The following FBRSL1 variants were observed in gnomAD, a reference collection of about 807,000 sequenced individuals.
The protein encoded by FBRSL1 is fibrosin like 1, also known as fibrosin-1-like protein.
Under a neutral mutation model 89.6 loss-of-function variants are expected in FBRSL1, and 51 were observed. That is an observed-to-expected ratio of 0.57 (90% CI 0.45 to 0.72). The LOEUF (loss-of-function observed/expected upper bound fraction) is 0.72. Ranked by LOEUF, FBRSL1 falls within the 30% of genes least tolerant of loss-of-function variation. FBRSL1 has a pLI of 0.00. For synonymous variants in FBRSL1, 779 were observed against 681.1 expected, an observed-to-expected ratio of 1.14 and a Z score of -2.24; for missense variants, 1,618 against 1,451.8, an observed-to-expected ratio of 1.11 and a Z score of -1.86.
intron 1 of FBRSL1, among the ~76,000 whole-genome samples, chr12:132,505,613 G>A (rs572128627): frequency 2.3e-4 from 35 of 152,230 alleles, no homozygotes; most frequent in Admixed American, 5.9e-4. Context: ...TACGTGGAGT[G>A]ACTGAGCGAC....
chr12:132,532,439 G>T (rs2036369489), intron 4 of FBRSL1, among the ~76,000 whole-genome samples: 1 of 152,136 alleles, frequency 6.6e-6, no homozygotes, highest in Non-Finnish European at 1.5e-5. Flanking sequence ...CATCTGCCTG[G>T]CTATGCCCAC....
At chr12:132,521,957 T>C (rs976781432) in intron 2 of FBRSL1, among the ~76,000 whole-genome samples, 2 of 152,030 alleles carry the variant, frequency 1.3e-5, no homozygotes, top group Non-Finnish European at 2.9e-5. Context: ...TGAGTCCGTG[T>C]GCATGGGGTG....
chr12:132,551,403 C>G (rs1397274347), intron 5 of FBRSL1: 1 of 456,066 alleles, frequency 2.2e-6, no homozygotes, highest in African/African-American at 2.0e-5. Context: ...GCTGACCCAG[C>G]AGCCGTGCAG....
intron 17 of FBRSL1, 118 bp from the exon 18 acceptor site, chr12:132,581,944 G>C: frequency 7.8e-7 from 1 of 1,288,844 alleles, no homozygotes; most frequent in Non-Finnish European, 1.1e-6. Context: ...GGGCCTCCTT[G>C]GGGCACCCCC....
intron 5 of FBRSL1, chr12:132,551,069 C>T: frequency 3.2e-6 from 1 of 312,118 alleles, no homozygotes; most frequent in Non-Finnish European, 6.4e-6. Context: ...CTGGGCACTG[C>T]TGTGCGAGGC....
chr12:132,532,391 AT>A (rs1197343219), intron 4 of FBRSL1, among the ~76,000 whole-genome samples: 1 of 152,028 alleles, frequency 6.6e-6, no homozygotes. Context: ...ATTCTCCTCC[AT>A]GCGGCTGCCC....
intron 9 of FBRSL1, 55 bp from the exon 10 acceptor site, chr12:132,572,233 G>A (rs1566231462): frequency 4.0e-6 from 6 of 1,515,728 alleles, no homozygotes; most frequent in South Asian, 3.6e-5. Context: ...GGGGCCCGGG[G>A]CCCAGCAACG....
In FBRSL1 at chr12:132,507,822, G is replaced by A. The variant is rs528345733; in HGVS notation, c.292-331G>A. Among the ~76,000 whole-genome samples the A allele has an allele frequency of 6.6e-5, 10 of 152,236 alleles. No homozygotes were observed. The South Asian group carries it at 2.1e-3, about 32-fold the overall frequency. On this transcript the variant is annotated intron_variant, in intron 1 of 18. Transcript: ENST00000680143. Reference sequence around the variant, plus strand: ...CACTCGCTCTTGAAAGGTAGCCCTGGTCTCAGCAGGGAGGGGCAGTCCTGG... The same window carrying A: ...CACTCGCTCTTGAAAGGTAGCCCTGATCTCAGCAGGGAGGGGCAGTCCTGG...
chr12:132,572,649 G>A lies in FBRSL1; in HGVS notation c.1530+27G>A, dbSNP rs750804583. 4.2e-5 allele frequency: 62 copies of A among 1,491,220 alleles called. No individual in the cohort carries two copies. The African/African-American group carries it at 5.6e-4, about 13-fold the overall frequency. The allele number at this position is 1,491,220 out of a possible 1,614,324, so 92.4% of individuals were successfully genotyped here. ...TACCGCTGCCCCTGGCAGGTGGGGC[G>A]GGCACAGCGGGTGGGTGGATTTTGG... On this transcript the variant is annotated intron_variant, in intron 11 of 18. Coordinates refer to ENST00000680143, the MANE Select transcript of FBRSL1 (RefSeq NM_001367871.1).
intron 2 of FBRSL1, chr12:132,510,076 C>T (rs1227598358): frequency 1.5e-5 from 18 of 1,231,136 alleles, no homozygotes; most frequent in East Asian, 6.3e-5. Context: ...CCGGGACGGC[C>T]GAGGCAGCAG....
At chr12:132,561,406 A>G (rs1306573220) in intron 5 of FBRSL1, among the ~76,000 whole-genome samples, 1 of 151,780 alleles carries the variant, frequency 6.6e-6, no homozygotes, top group African/African-American at 2.4e-5. Context: ...AGCGGAACCC[A>G]CTAGAGTGTT....
intron 4 of FBRSL1, among the ~76,000 whole-genome samples, chr12:132,541,694 G>A (rs945017399): frequency 8.5e-5 from 13 of 152,256 alleles, no homozygotes; most frequent in Non-Finnish European, 1.6e-4. Flanking sequence ...TCTCAGCCCT[G>A]GGGGCTGCCG....
In FBRSL1 at chr12:132,583,977, A is replaced by G. The variant is rs1004051174; in HGVS notation, c.*199A>G. Reference sequence around the variant, plus strand: ...CCGAGTTTGGGATTCGGCTGTTGGGAAAAAAAAATCGCGTTTGTACCTTTT... The same window carrying G: ...CCGAGTTTGGGATTCGGCTGTTGGGGAAAAAAAATCGCGTTTGTACCTTTT... On this transcript the variant is annotated 3_prime_UTR_variant, in exon 19 of 19. Coordinates refer to ENST00000680143, the MANE Select transcript of FBRSL1 (RefSeq NM_001367871.1). The G allele has an allele frequency of 4.3e-4, 116 of 266,940 alleles. No homozygotes were observed. Among genetic ancestry groups the G allele is most frequent in the African/African-American group, 1.3e-3 (59 of 44,406 alleles). 16.5% of individuals were successfully genotyped at this position (266,940 alleles called of 1,614,324 possible). A position where few individuals can be genotyped will look rare whatever the true frequency, so the allele number is the denominator to read the frequency against.
At chr12:132,526,051 C>T (rs1481948315) in intron 3 of FBRSL1, among the ~76,000 whole-genome samples, 2 of 152,374 alleles carry the variant, frequency 1.3e-5, no homozygotes, top group East Asian at 3.9e-4. Flanking sequence ...TAGCAATGAG[C>T]ATTTTGCCTT....
chr12:132,547,266 G>T (rs574456377), intron 4 of FBRSL1, among the ~76,000 whole-genome samples: 23 of 149,786 alleles, frequency 1.5e-4, no homozygotes, highest in Non-Finnish European at 3.1e-4. Context: ...CGGACAGTCA[G>T]TGTGTTCTTC....
At position 132,499,806 on chromosome 12, in the gene FBRSL1, G is replaced by A. The variant is rs1457806673; in HGVS notation, c.292-8347G>A. ...GGGCAAATGGGGTACTTGGTTCCAC[G>A]TACCTGTGGAGGACGGCAGGCGTCC... On this transcript the variant is annotated intron_variant, in intron 1 of 18. Coordinates refer to ENST00000680143, the MANE Select transcript of FBRSL1 (RefSeq NM_001367871.1). The surrounding 1 kb of genome is among the most constrained non-coding windows in gnomAD (Gnocchi z 4.3). Among the ~76,000 whole-genome samples, 2 of 152,120 alleles carry A rather than the reference G, an allele frequency of 1.3e-5. No homozygotes were observed. Among genetic ancestry groups the A allele is most frequent in the African/African-American group, 4.8e-5 (2 of 41,414 alleles).
chr12:132,522,825 C>T (rs992387991), intron 2 of FBRSL1, among the ~76,000 whole-genome samples: 1 of 152,214 alleles, frequency 6.6e-6, no homozygotes, highest in African/African-American at 2.4e-5. Flanking sequence ...GAGCTGTGTC[C>T]GGGGCCCTCC....
chr12:132,578,343 T>TCACACACACACACACACACACACACA (rs3221291), intron 15 of FBRSL1, among the ~76,000 whole-genome samples: 10,467 of 140,734 alleles, frequency 0.074, 525 homozygotes, highest in South Asian at 0.13. Flanking sequence ...AGACCCTGTC[T>TCACACACACACACACACACACACACA]CACACACACA....
In FBRSL1 at chr12:132,583,845, A is replaced by G; in HGVS notation, c.*67A>G. ...GTCCGTCTCTCCATCAGTTCCTAGA[A>G]CTCAAGCACAGCTCCCGCCGATCCT... is the stretch of plus-strand genomic sequence containing the variant. On this transcript the variant is annotated 3_prime_UTR_variant, in exon 19 of 19. Coordinates refer to ENST00000680143, the MANE Select transcript of FBRSL1 (RefSeq NM_001367871.1). The G allele has an allele frequency of 2.1e-6, 2 of 961,176 alleles. No individual in the cohort carries two copies. Among genetic ancestry groups the G allele is most frequent in the Non-Finnish European group, 2.6e-6 (2 of 767,872 alleles). The allele number at this position is 961,176 out of a possible 1,614,324, so 59.5% of individuals were successfully genotyped here.
Sources: gnomAD v4.1 joint callset for allele counts (sites outside exome capture counted in the v4.1 genomes callset) on GRCh38, gnomAD v4.1.1 for gene constraint, Gnocchi (gnomAD v3.1) non-coding constraint, MANE v1.5 for transcripts, NCBI Gene and HGNC (gene_info 2026-07-23, HGNC 2026-07-21) for gene names.